NAALADL2: variants seen among roughly 807,000 people sequenced by gnomAD.
NAALADL2 encodes the protein inactive N-acetylated-alpha-linked acidic dipeptidase-like protein 2.
NAALADL2 carries 76 observed loss-of-function variants against 87.2 expected under a neutral mutation model. The ratio of observed to expected loss-of-function variants is 0.87; its 90% CI spans 0.72 to 1.05. NAALADL2 has a LOEUF of 1.05. Among genes scored for constraint, NAALADL2 ranks in the 50% least tolerant of loss-of-function variants. NAALADL2 has a pLI of 0.00. For synonymous variants in NAALADL2, 354 were observed against 331.0 expected (o/e 1.07, Z -0.75); for missense variants, 1,089 against 945.8 (o/e 1.15, Z -1.99).
At chr3:175,356,194 G>T (rs1197698581) in intron 5 of NAALADL2, among the ~76,000 whole-genome samples, 1 of 152,068 alleles carries the variant, frequency 6.6e-6, no homozygotes, top group Non-Finnish European at 1.5e-5. Context: ...GAAAAAGAAA[G>T]TCTTTAAGTC....
At chr3:174,834,418 A>T (rs540815053) in intron 3 of NAALADL2, among the ~76,000 whole-genome samples, 1 of 150,920 alleles carries the variant, frequency 6.6e-6, no homozygotes, top group African/African-American at 2.4e-5. Flanking sequence ...TACTCTCTCA[A>T]TTTCTGTCTA....
chr3:175,421,159 G>A (rs1159115157), intron 5 of NAALADL2, among the ~76,000 whole-genome samples: 2 of 151,842 alleles, frequency 1.3e-5, no homozygotes, highest in Admixed American at 6.6e-5. Flanking sequence ...TACTGCTTGA[G>A]ACCATATACA....
chr3:175,495,850 T>A (rs973334567), intron 9 of NAALADL2, among the ~76,000 whole-genome samples: 4 of 152,126 alleles, frequency 2.6e-5, no homozygotes, highest in Non-Finnish European at 5.9e-5. Flanking sequence ...CATTTTTTTT[T>A]AGAAAACGGT....
chr3:175,028,961 A>G (rs1300706081), intron 1 of NAALADL2, among the ~76,000 whole-genome samples: 1 of 151,160 alleles, frequency 6.6e-6, no homozygotes, highest in Non-Finnish European at 1.5e-5. Context: ...AGTGTAAACT[A>G]TAGTGTTGTA....
chr3:175,230,930 T>C (rs1744853023), intron 2 of NAALADL2, among the ~76,000 whole-genome samples: 1 of 152,020 alleles, frequency 6.6e-6, no homozygotes, highest in Non-Finnish European at 1.5e-5. Context: ...AACTTTTGCA[T>C]ATGTCTATCA....
intron 3 of NAALADL2, among the ~76,000 whole-genome samples, chr3:174,786,648 A>T (rs1716716089): frequency 6.6e-6 from 1 of 151,940 alleles, no homozygotes; most frequent in South Asian, 2.1e-4. Context: ...CTAATAATGG[A>T]TAAGGAATTT....
intron 2 of NAALADL2, among the ~76,000 whole-genome samples, chr3:174,668,693 T>G (rs532742356): frequency 1.3e-5 from 2 of 152,312 alleles, no homozygotes; most frequent in South Asian, 4.1e-4. Flanking sequence ...GTCCCTGCAA[T>G]AGTTTGCTGA....
chr3:174,990,660 G>A lies in NAALADL2; in HGVS notation c.44-106130G>A, dbSNP rs558326100. Among the ~76,000 whole-genome samples the A allele has an allele frequency of 2.0e-5, 3 of 152,206 alleles. No homozygotes were observed. In the South Asian group the frequency reaches 6.2e-4, roughly 32 times the overall value. On this transcript the variant is annotated intron_variant, in intron 1 of 13. Coordinates refer to ENST00000454872, the MANE Select transcript of NAALADL2 (RefSeq NM_207015.3). ...TACATAGGAAAAATTTCTAAAGCTCGAAACAGATATAGGTATCATATTCTG... is the reference window on the plus strand; with the variant it reads ...TACATAGGAAAAATTTCTAAAGCTCAAAACAGATATAGGTATCATATTCTG...
intron 2 of NAALADL2, among the ~76,000 whole-genome samples, chr3:175,147,846 G>GT (rs752150073): frequency 3.9e-5 from 6 of 151,938 alleles, no homozygotes; most frequent in Non-Finnish European, 8.8e-5. Flanking sequence ...AAGGCAGGTG[G>GT]AAAGCCTGAG....
intron 5 of NAALADL2, among the ~76,000 whole-genome samples, chr3:175,403,587 CAG>C (rs1367874018): frequency 6.6e-6 from 1 of 151,968 alleles, no homozygotes; most frequent in Non-Finnish European, 1.5e-5. Flanking sequence ...TCTAAAATTC[CAG>C]AGTCATTCAT....
intron 2 of NAALADL2, among the ~76,000 whole-genome samples, chr3:175,120,565 T>C (rs1023067656): frequency 6.6e-6 from 1 of 151,800 alleles, no homozygotes; most frequent in African/African-American, 2.4e-5. Context: ...CGATCAGAGA[T>C]AATGAAATTG....
intron 4 of NAALADL2, among the ~76,000 whole-genome samples, chr3:175,278,731 A>G (rs56101003): frequency 0.19 from 28,336 of 152,140 alleles, 3,319 homozygotes; most frequent in Non-Finnish European, 0.26. Flanking sequence ...TTCACTGTGC[A>G]GGTCGATAAA....
At chr3:175,091,624 T>C (rs1448297706) in intron 1 of NAALADL2, among the ~76,000 whole-genome samples, 1 of 152,078 alleles carries the variant, frequency 6.6e-6, no homozygotes, top group Non-Finnish European at 1.5e-5. Flanking sequence ...CAAGTCAAAC[T>C]TCTTTGATAA....
chr3:175,594,706 G>A (rs1467458477), intron 10 of NAALADL2, among the ~76,000 whole-genome samples: 1 of 152,126 alleles, frequency 6.6e-6, no homozygotes, highest in Non-Finnish European at 1.5e-5. Flanking sequence ...ACTGACTGGT[G>A]TGAGATGGCA....
At chr3:175,459,110 A>G (rs1722742782) in intron 6 of NAALADL2, among the ~76,000 whole-genome samples, 1 of 152,154 alleles carries the variant, frequency 6.6e-6, no homozygotes, top group African/African-American at 2.4e-5. Flanking sequence ...CACAACCACC[A>G]TAAAAGAAAA....
chr3:175,564,376 C>T (rs536531218), intron 9 of NAALADL2, among the ~76,000 whole-genome samples: 1 of 151,448 alleles, frequency 6.6e-6, no homozygotes, highest in South Asian at 2.1e-4. Flanking sequence ...GCTTCATCTA[C>T]AGAAGATTTA....
At chr3:175,419,394 A>C (rs1020727952) in intron 5 of NAALADL2, among the ~76,000 whole-genome samples, 2 of 151,936 alleles carry the variant, frequency 1.3e-5, no homozygotes, top group African/African-American at 4.8e-5. Flanking sequence ...AGCAAAAATT[A>C]TATAAAAAAT....
At chr3:174,523,893 T>A (rs1245353267) in intron 1 of NAALADL2, among the ~76,000 whole-genome samples, 1 of 152,228 alleles carries the variant, frequency 6.6e-6, no homozygotes, top group Non-Finnish European at 1.5e-5. Context: ...TTCCTTTTTT[T>A]AAAATTCAGG....
At chr3:175,159,971 G>A (rs148602228) in intron 2 of NAALADL2, among the ~76,000 whole-genome samples, 7 of 151,492 alleles carry the variant, frequency 4.6e-5, no homozygotes, top group African/African-American at 7.3e-5. Flanking sequence ...CTAGTAGCTG[G>A]GATTACAGGC....
Sources: gnomAD v4.1 joint callset for allele counts (sites outside exome capture counted in the v4.1 genomes callset) on GRCh38, gnomAD v4.1.1 for gene constraint, MANE v1.5 for transcripts, NCBI Gene and HGNC (gene_info 2026-07-23, HGNC 2026-07-21) for gene names.